Variants in THRB observed in about 807,000 individuals in gnomAD.
THRB encodes nuclear receptor subfamily 1 group A member 2.
THRB carries 12 observed loss-of-function variants against 47.8 expected under a neutral mutation model. The observed-to-expected ratio is 0.25, with a 90% CI of 0.16 to 0.41. THRB has a LOEUF of 0.41. Among genes scored for constraint, THRB ranks in the 10% least tolerant of loss-of-function variants. The probability of loss-of-function intolerance (pLI) is 1.00; values close to 1 mark genes in which losing one functional copy is unlikely to be tolerated. For synonymous variants in THRB, 218 were observed against 212.2 expected, an observed-to-expected ratio of 1.03 and a Z score of -0.24; for missense variants, 348 against 589.2, an observed-to-expected ratio of 0.59 and a Z score of 4.24.
chr3:24,230,806 A>G (rs1474033837), intron 3 of THRB, among the ~76,000 whole-genome samples: 1 of 152,198 alleles, frequency 6.6e-6, no homozygotes, highest in Non-Finnish European at 1.5e-5. Context: ...GAGCTGGACT[A>G]GTAAGATGAT....
chr3:24,493,664 C>T (rs1560326621), intron 1 of THRB, among the ~76,000 whole-genome samples: 1 of 152,204 alleles, frequency 6.6e-6, no homozygotes, highest in Non-Finnish European at 1.5e-5. Context: ...TTCATGCAAA[C>T]TCTTTCCTTT....
At chr3:24,368,903 A>C (rs939634490) in intron 1 of THRB, among the ~76,000 whole-genome samples, 5 of 152,214 alleles carry the variant, frequency 3.3e-5, no homozygotes, top group African/African-American at 1.2e-4. Context: ...CCTTGCATTT[A>C]AGTGGAGTCT....
chr3:24,493,308 A>G (rs1369927550), intron 1 of THRB, among the ~76,000 whole-genome samples: 4 of 152,216 alleles, frequency 2.6e-5, no homozygotes, highest in Admixed American at 2.0e-4. Context: ...TTAAAATGCA[A>G]TTTTTATTTC....
chr3:24,351,521 A>C (rs917120764), intron 1 of THRB, among the ~76,000 whole-genome samples: 2 of 152,082 alleles, frequency 1.3e-5, no homozygotes, highest in Non-Finnish European at 2.9e-5. Flanking sequence ...GCATTTTGTT[A>C]ATTTGGCCTA....
intron 1 of THRB, among the ~76,000 whole-genome samples, chr3:24,399,088 G>A (rs2067202071): frequency 6.6e-6 from 1 of 151,884 alleles, no homozygotes; most frequent in Non-Finnish European, 1.5e-5. Flanking sequence ...TGGGGTGGGG[G>A]GAGTGGGGAG....
chr3:24,356,521 T>C (rs1030875590), intron 1 of THRB, among the ~76,000 whole-genome samples: 4 of 152,288 alleles, frequency 2.6e-5, no homozygotes, highest in South Asian at 2.1e-4. Flanking sequence ...TCTGTCTCCT[T>C]TAGTTCCAAC....
chr3:24,281,519 G>A (rs183637705), intron 3 of THRB, among the ~76,000 whole-genome samples: 8,149 of 150,698 alleles, frequency 0.054, 710 homozygotes, highest in African/African-American at 0.18. Flanking sequence ...GGAGGAAACC[G>A]CATCAACTAA....
intron 2 of THRB, among the ~76,000 whole-genome samples, chr3:24,330,494 C>T (rs1033320165): frequency 3.3e-5 from 5 of 152,192 alleles, no homozygotes; most frequent in Non-Finnish European, 5.9e-5. Flanking sequence ...GATCCATCAC[C>T]CTAAAAGAAA....
intron 5 of THRB, chr3:24,189,866 C>T (rs113310182): frequency 7.0e-4 from 400 of 573,168 alleles, no homozygotes; most frequent in African/African-American, 6.7e-3. Flanking sequence ...AACGTGAAAC[C>T]GAAACAAGCT....
chr3:24,479,446 G>C, intron 1 of THRB, among the ~76,000 whole-genome samples: 1 of 152,220 alleles, frequency 6.6e-6, no homozygotes, highest in Admixed American at 6.5e-5. Context: ...GAACACGGGG[G>C]CATGGTAGAG....
rs763751238 is a variant in THRB, at chr3:24,122,926, T to C, written c.1344A>G (p.Thr448=). 3 of 1,614,190 alleles carry C rather than the reference T, an allele frequency of 1.9e-6. No homozygotes were observed. Among genetic ancestry groups the C allele is most frequent in the East Asian group, 4.5e-5 (2 of 44,888 alleles). ...CCAAGAACAAAGGGGGGAAGAGTTC[T>C]GTGGGGCATTCCACCTTCATGTGCA... ...RFLHMKVECP[T]ELFPPLFLEV... The change falls in exon 11 of 11, where the codon ACA becomes ACG. Residue 448 remains threonine, a synonymous_variant. Transcript: ENST00000646209.
chr3:24,359,199 T>C (rs6789655), intron 1 of THRB, among the ~76,000 whole-genome samples: 13,806 of 152,134 alleles, frequency 0.091, 1,656 homozygotes, highest in African/African-American at 0.28. Context: ...TGAAGTTCAG[T>C]TGGTGGCTGG....
intron 3 of THRB, among the ~76,000 whole-genome samples, chr3:24,259,390 G>C (rs2051681524): frequency 6.6e-6 from 1 of 152,166 alleles, no homozygotes. Flanking sequence ...TGAAACCATG[G>C]ACACTATTAG....
chr3:24,493,252 G>A (rs1407370946), intron 1 of THRB, among the ~76,000 whole-genome samples: 1 of 152,190 alleles, frequency 6.6e-6, no homozygotes, highest in Non-Finnish European at 1.5e-5. Flanking sequence ...GAAGTGAATT[G>A]GGGAGCAGGT....
At chr3:24,163,945 T>A (rs1287004262) in intron 5 of THRB, among the ~76,000 whole-genome samples, 2 of 152,276 alleles carry the variant, frequency 1.3e-5, no homozygotes, top group Non-Finnish European at 2.9e-5. Context: ...TGATAAATTT[T>A]ATAGAAACCA....
chr3:24,168,884 G>T (rs2040041798), intron 5 of THRB, among the ~76,000 whole-genome samples: 1 of 151,948 alleles, frequency 6.6e-6, no homozygotes, highest in Non-Finnish European at 1.5e-5. Flanking sequence ...GGACACAGGA[G>T]TAATCTGCCT....
intron 4 of THRB, among the ~76,000 whole-genome samples, chr3:24,193,585 G>C (rs76898085): frequency 6.6e-6 from 1 of 152,136 alleles, no homozygotes; most frequent in Non-Finnish European, 1.5e-5. Flanking sequence ...TTAAAAGTCA[G>C]GTGTTAATTA....
intron 1 of THRB, among the ~76,000 whole-genome samples, chr3:24,476,911 C>G (rs1462410485): frequency 2.0e-5 from 3 of 151,998 alleles, no homozygotes; most frequent in Admixed American, 6.6e-5. Flanking sequence ...ATCTCATTAT[C>G]TCAATCATGT....
At chr3:24,329,222 G>C (rs983620920) in intron 2 of THRB, among the ~76,000 whole-genome samples, 5 of 152,208 alleles carry the variant, frequency 3.3e-5, no homozygotes, top group Non-Finnish European at 5.9e-5. Flanking sequence ...TGAGACTACA[G>C]GCATAAGCCA....
Sources: gnomAD v4.1 joint callset for allele counts (sites outside exome capture counted in the v4.1 genomes callset) on GRCh38, gnomAD v4.1.1 for gene constraint, MANE v1.5 for transcripts, NCBI Gene and HGNC (gene_info 2026-07-23, HGNC 2026-07-21) for gene names.